The following RGL1 variants were observed in gnomAD, a reference collection of about 807,000 sequenced individuals.
RGL1 encodes ral guanine nucleotide dissociation stimulator like 1, also known as ral guanine nucleotide dissociation stimulator-like 1.
RGL1 carries 24 observed loss-of-function variants against 95.2 expected under a neutral mutation model. The observed-to-expected ratio is 0.25, with a 90% CI of 0.18 to 0.35. The LOEUF is 0.35. Ranked by LOEUF, RGL1 falls within the 10% of genes least tolerant of loss-of-function variation. The pLI is 1.00. For missense variants in RGL1, 715 were observed against 936.3 expected, an observed-to-expected ratio of 0.76 and a Z score of 3.08; for synonymous variants, 329 against 344.9, an observed-to-expected ratio of 0.95 and a Z score of 0.51.
chr1:183,693,712 T>C (rs183615075), intron 1 of RGL1, among the ~76,000 whole-genome samples: 251 of 152,206 alleles, frequency 1.6e-3, no homozygotes, highest in Non-Finnish European at 2.2e-3. Flanking sequence ...GAAGCCTCAC[T>C]GCTTACCAGA....
In RGL1 at chr1:183,888,614, C is replaced by T. The variant is rs143268786; in HGVS notation, c.1055+37C>T. On this transcript the variant is annotated intron_variant, in intron 8 of 17. Coordinates refer to ENST00000360851, the MANE Select transcript of RGL1 (RefSeq NM_001297671.3). ...AGTGTTTGCTCTGCTTTTCTTTGGC[C>T]GGGATAATTAGTGGTTGTGATGAGT... 1.4e-4 allele frequency: 187 copies of T among 1,349,066 alleles called. No individual in the cohort carries two copies. The African/African-American group carries it at 2.2e-3, about 16-fold the overall frequency. 83.6% of individuals were successfully genotyped at this position (1,349,066 alleles called of 1,614,324 possible).
intron 2 of RGL1, among the ~76,000 whole-genome samples, chr1:183,747,421 C>T (rs987708568): frequency 2.4e-4 from 37 of 152,054 alleles, no homozygotes; most frequent in Non-Finnish European, 5.4e-4. Flanking sequence ...GTTTTTTGGC[C>T]GCATAAATGT....
At chr1:183,868,982 G>A (rs1422946439) in intron 4 of RGL1, among the ~76,000 whole-genome samples, 1 of 152,206 alleles carries the variant, frequency 6.6e-6, no homozygotes, top group Non-Finnish European at 1.5e-5. Flanking sequence ...GCTGGATGTG[G>A]TGGCACATGC....
In RGL1 at chr1:183,797,497, G is replaced by A. The variant is rs76941465; in HGVS notation, c.133-8878G>A. On this transcript the variant is annotated intron_variant, in intron 2 of 18. Coordinates refer to the RGL1 transcript ENST00000304685. ...GCAGCCTCTTCTTTAGTTGTAATACGTCTGCCTAAAGTGGGCTTGTAATTT... is the reference window on the plus strand; with the variant it reads ...GCAGCCTCTTCTTTAGTTGTAATACATCTGCCTAAAGTGGGCTTGTAATTT... Among the ~76,000 whole-genome samples, 586 of 152,204 alleles carry A rather than the reference G, an allele frequency of 3.9e-3. 4 individuals are homozygous for A. The highest frequency in any genetic ancestry group is 0.014 in the African/African-American group (574 of 41,536).
At chr1:183,843,914 G>A (rs773605891) in intron 2 of RGL1, among the ~76,000 whole-genome samples, 7 of 152,028 alleles carry the variant, frequency 4.6e-5, no homozygotes, top group Non-Finnish European at 1.0e-4. Context: ...TGCAACCTCC[G>A]CTTCCTGGGT....
At position 183,652,066 on chromosome 1, in the gene RGL1, TA is replaced by T. The variant is rs1352519084; in HGVS notation, c.-33+15568del. Among the ~76,000 whole-genome samples the T allele has an allele frequency of 5.3e-5, 8 of 152,364 alleles. No homozygotes were observed. The East Asian group carries it at 1.5e-3, about 29-fold the overall frequency. On this transcript the variant is annotated intron_variant, in intron 1 of 18. Coordinates refer to the RGL1 transcript ENST00000304685. ...TAGACAATTTACAGATTGATTTGGCTAAATGTTATGGAAACAGAACCAAAAG... is the reference window on the plus strand; with the variant it reads ...TAGACAATTTACAGATTGATTTGGCTAATGTTATGGAAACAGAACCAAAAG...
chr1:183,722,066 G>A (rs1014012406), intron 1 of RGL1, among the ~76,000 whole-genome samples: 2 of 152,050 alleles, frequency 1.3e-5, no homozygotes, highest in Non-Finnish European at 2.9e-5. Context: ...CAGAACACTA[G>A]GGAATACCAA....
chr1:183,680,475 C>A (rs777376188), intron 1 of RGL1, among the ~76,000 whole-genome samples: 8 of 151,084 alleles, frequency 5.3e-5, no homozygotes, highest in Non-Finnish European at 1.0e-4. Flanking sequence ...AATAGGGAAT[C>A]CTTTCCCCAA....
At chr1:183,877,924 G>T (rs998057601) in intron 4 of RGL1, among the ~76,000 whole-genome samples, 3 of 152,190 alleles carry the variant, frequency 2.0e-5, no homozygotes, top group East Asian at 1.9e-4. Flanking sequence ...AGAGGTAAGT[G>T]CTGTGTGCCC....
chr1:183,772,117 C>T (rs1415658922), intron 2 of RGL1, among the ~76,000 whole-genome samples: 1 of 152,222 alleles, frequency 6.6e-6, no homozygotes, highest in African/African-American at 2.4e-5. Flanking sequence ...TGCTTCCACT[C>T]AATAAAACTT....
chr1:183,716,621 T>TG (rs1166680681), intron 1 of RGL1, among the ~76,000 whole-genome samples: 2 of 152,216 alleles, frequency 1.3e-5, no homozygotes, highest in Non-Finnish European at 2.9e-5. Flanking sequence ...CCTAACTGTT[T>TG]GGGGGCGGCT....
At chr1:183,760,338 T>C (rs1572379729) in intron 2 of RGL1, among the ~76,000 whole-genome samples, 1 of 152,192 alleles carries the variant, frequency 6.6e-6, no homozygotes, top group South Asian at 2.1e-4. Flanking sequence ...AAGACATTAA[T>C]GAAGTTTGTC....
At position 183,646,438 on chromosome 1, in the gene RGL1, A is replaced by G. The variant is rs1193303506; in HGVS notation, c.-33+9937A>G. The G allele has an allele frequency of 3.3e-5, 5 of 151,676 alleles. No individual in the cohort carries two copies. The South Asian group carries it at 6.2e-4, about 19-fold the overall frequency. The allele number at this position is 151,676 out of a possible 1,614,324, so 9.4% of individuals were successfully genotyped here. A position where few individuals can be genotyped will look rare whatever the true frequency, so the allele number is the denominator to read the frequency against. On this transcript the variant is annotated intron_variant, in intron 1 of 18. Coordinates refer to the RGL1 transcript ENST00000304685. ...ATTACTTTATATATATATATAAAGA[A>G]AAAAATTAATAGCAAGTTACGAGAA...
chr1:183,911,700 G>T (rs1668651144), intron 14 of RGL1, among the ~76,000 whole-genome samples: 1 of 152,176 alleles, frequency 6.6e-6, no homozygotes, highest in South Asian at 2.1e-4. Flanking sequence ...TTCCTCCTTG[G>T]TTTCTTACCC....
At chr1:183,833,378 A>G (rs1275074397) in intron 2 of RGL1, among the ~76,000 whole-genome samples, 1 of 152,206 alleles carries the variant, frequency 6.6e-6, no homozygotes, top group South Asian at 2.1e-4. Context: ...CTCAAAGGGT[A>G]ATCAATAGAG....
intron 3 of RGL1, among the ~76,000 whole-genome samples, chr1:183,856,525 G>A (rs1170038733): frequency 1.3e-5 from 2 of 150,306 alleles, no homozygotes; most frequent in Non-Finnish European, 3.0e-5. Flanking sequence ...TTCTATTCAG[G>A]ACATCATGCC....
At chr1:183,793,050 T>C (rs1660512166) in intron 2 of RGL1, among the ~76,000 whole-genome samples, 1 of 152,160 alleles carries the variant, frequency 6.6e-6, no homozygotes, top group South Asian at 2.1e-4. Flanking sequence ...ACTACAAACC[T>C]ATAGTAACCA....
chr1:183,787,970 G>A (rs1035347904), intron 2 of RGL1, among the ~76,000 whole-genome samples: 2 of 152,076 alleles, frequency 1.3e-5, no homozygotes, highest in Non-Finnish European at 2.9e-5. Context: ...TGGTGCATCT[G>A]CAGAGCCATG....
intron 3 of RGL1, among the ~76,000 whole-genome samples, chr1:183,859,485 G>C (rs1340030850): frequency 2.0e-5 from 3 of 152,186 alleles, no homozygotes; most frequent in African/African-American, 7.2e-5. Flanking sequence ...ATAGCATTTT[G>C]TAACTGTCAA....
Sources: gnomAD v4.1 joint callset for allele counts (sites outside exome capture counted in the v4.1 genomes callset) on GRCh38, gnomAD v4.1.1 for gene constraint, MANE v1.5 for transcripts, NCBI Gene and HGNC (gene_info 2026-07-23, HGNC 2026-07-21) for gene names.